Variants in RBFOX1 observed in about 807,000 individuals in gnomAD.
RBFOX1 encodes RNA binding protein fox-1 homolog 1.
Under a neutral mutation model 57.7 loss-of-function variants are expected in RBFOX1, and 8 were observed. The observed-to-expected ratio is 0.14, with a 90% CI of 0.08 to 0.25. The LOEUF (loss-of-function observed/expected upper bound fraction) is 0.25. Ranked by LOEUF, RBFOX1 falls within the 10% of genes least tolerant of loss-of-function variation. RBFOX1 has a pLI of 1.00. For synonymous variants in RBFOX1, 326 were observed against 222.4 expected, an observed-to-expected ratio of 1.47 and a Z score of -4.15; for missense variants, 611 against 548.5, an observed-to-expected ratio of 1.11 and a Z score of -1.14.
Position 7,341,784 on chromosome 16 carries a change from T to TTCCCTCCC in RBFOX1, c.28-176360_28-176359insCTCCCTCC, listed in dbSNP as rs1291646505. On this transcript the variant is annotated intron_variant, in intron 4 of 15. Coordinates refer to ENST00000550418, the MANE Select transcript of RBFOX1 (RefSeq NM_018723.4). ...CCTCCTTCCCTCCCTCCCTCCTTCC[T>TTCCCTCCC]TCCTTCCTTCCTTCCTTCCTTCCTT... 1.7e-3 allele frequency among the ~76,000 whole-genome samples: 117 copies of TTCCCTCCC among 67,614 alleles called. 1 individual carries two copies. Among genetic ancestry groups the TTCCCTCCC allele is most frequent in the Admixed American group, 3.8e-3 (23 of 6,116 alleles). The allele number at this position is 67,614 out of a possible 152,430, so 44.4% of individuals were successfully genotyped here. A position where few individuals can be genotyped will look rare whatever the true frequency, so the allele number is the denominator to read the frequency against.
intron 4 of RBFOX1, among the ~76,000 whole-genome samples, chr16:7,111,639 A>G (rs2064797923): frequency 6.6e-6 from 1 of 152,056 alleles, no homozygotes; most frequent in Non-Finnish European, 1.5e-5. Flanking sequence ...ATTACTAAGT[A>G]TTTGCTAGGA....
intron 2 of RBFOX1, among the ~76,000 whole-genome samples, chr16:5,567,769 C>G (rs570715925): frequency 3.3e-5 from 5 of 151,994 alleles, no homozygotes; most frequent in African/African-American, 1.2e-4. Flanking sequence ...TTGTCGTCAC[C>G]GTCACCTATA....
chr16:7,101,450 T>C (rs1024758935), intron 4 of RBFOX1, among the ~76,000 whole-genome samples: 3 of 152,184 alleles, frequency 2.0e-5, no homozygotes, highest in African/African-American at 7.2e-5. Context: ...GCAGTGAATG[T>C]ATGCGTGAGA....
chr16:5,688,664 C>G (rs757561234), intron 3 of RBFOX1, among the ~76,000 whole-genome samples: 1 of 152,138 alleles, frequency 6.6e-6, no homozygotes, highest in East Asian at 1.9e-4. Context: ...AAATTCATTA[C>G]CTACCCAGAG....
Position 6,360,848 on chromosome 16 carries a change from T to A in RBFOX1, c.-64+43791T>A, listed in dbSNP as rs139212957. Among the ~76,000 whole-genome samples, 499 of 152,350 alleles carry A rather than the reference T, an allele frequency of 3.3e-3. 1 individual carries two copies. The highest frequency in any genetic ancestry group is 0.011 in the African/African-American group (467 of 41,590). On this transcript the variant is annotated intron_variant, in intron 2 of 15. Transcript: ENST00000550418. ...CATTGTGAATGGCGCCCCCTACAGT[T>A]GTTCAGTGTGTAGTCTGAAATTTTG... is the stretch of plus-strand genomic sequence containing the variant.
chr16:5,673,137 C>G (rs143235418), intron 3 of RBFOX1, among the ~76,000 whole-genome samples: 19 of 152,168 alleles, frequency 1.2e-4, no homozygotes, highest in Middle Eastern at 6.8e-3. Context: ...TGCTGACACA[C>G]ACAAGCCTTA....
At chr16:6,074,239 C>T (rs1333815292) in intron 1 of RBFOX1, among the ~76,000 whole-genome samples, 5 of 152,170 alleles carry the variant, frequency 3.3e-5, no homozygotes, top group Non-Finnish European at 5.9e-5. Context: ...TGAGCCACAG[C>T]GCCCGGCCAT....
chr16:6,844,571 A>G (rs916788407), intron 3 of RBFOX1, among the ~76,000 whole-genome samples: 1 of 149,644 alleles, frequency 6.7e-6, no homozygotes, highest in Non-Finnish European at 1.5e-5. Context: ...TTTTTTTTTT[A>G]TCCAGTCTTT....
chr16:6,975,290 G>A (rs959837865), intron 3 of RBFOX1, among the ~76,000 whole-genome samples: 1 of 151,864 alleles, frequency 6.6e-6, no homozygotes, highest in East Asian at 1.9e-4. Flanking sequence ...TTTTGAGACA[G>A]GGTCTCATTC....
chr16:6,062,059 T>A (rs1461010922), intron 1 of RBFOX1, among the ~76,000 whole-genome samples: 1 of 152,070 alleles, frequency 6.6e-6, no homozygotes, highest in Non-Finnish European at 1.5e-5. Flanking sequence ...GTTTACTGGT[T>A]TATTATAAAG....
chr16:7,335,409 GA>G (rs2096767735), intron 4 of RBFOX1, among the ~76,000 whole-genome samples: 1 of 152,164 alleles, frequency 6.6e-6, no homozygotes, highest in South Asian at 2.1e-4. Context: ...TGGAGATGTT[GA>G]AACAGAGTTC....
chr16:6,973,940 C>A (rs1464054698), intron 3 of RBFOX1, among the ~76,000 whole-genome samples: 3 of 152,102 alleles, frequency 2.0e-5, no homozygotes, highest in Non-Finnish European at 4.4e-5. Flanking sequence ...CCTCCATCTC[C>A]CAGCAGACCC....
intron 1 of RBFOX1, among the ~76,000 whole-genome samples, chr16:5,300,956 G>C (rs890860916): frequency 2.0e-5 from 3 of 152,072 alleles, no homozygotes; most frequent in African/African-American, 7.2e-5. Flanking sequence ...CTCTTGTCCT[G>C]ATCATTCTTT....
chr16:7,260,520 T>C (rs1248804391), intron 4 of RBFOX1, among the ~76,000 whole-genome samples: 1 of 152,196 alleles, frequency 6.6e-6, no homozygotes, highest in Non-Finnish European at 1.5e-5. Flanking sequence ...TAACTGCTTC[T>C]AGTCTCCCTG....
At chr16:7,697,395 G>A (rs1019586786) in intron 14 of RBFOX1, among the ~76,000 whole-genome samples, 4 of 152,170 alleles carry the variant, frequency 2.6e-5, no homozygotes, top group African/African-American at 9.7e-5. Context: ...CCTGAGGAAA[G>A]CAAACCCTTT....
At chr16:6,611,240 A>G (rs867640574) in intron 2 of RBFOX1, among the ~76,000 whole-genome samples, 2 of 152,236 alleles carry the variant, frequency 1.3e-5, no homozygotes, top group South Asian at 2.1e-4. Flanking sequence ...TCCGGCTCCC[A>G]GGTTCAAGCA....
At chr16:5,628,908 G>C (rs189150740) in intron 3 of RBFOX1, among the ~76,000 whole-genome samples, 1 of 152,320 alleles carries the variant, frequency 6.6e-6, no homozygotes, top group East Asian at 1.9e-4. Context: ...TCCTAAGTCA[G>C]ATCATGTACC....
At chr16:5,363,712 C>T (rs544171039) in intron 1 of RBFOX1, among the ~76,000 whole-genome samples, 4 of 152,200 alleles carry the variant, frequency 2.6e-5, no homozygotes, top group Admixed American at 1.3e-4. Context: ...GTCTCCTACA[C>T]CCCCAAGTCA....
chr16:7,126,119 T>G (rs1158736471), intron 4 of RBFOX1, among the ~76,000 whole-genome samples: 6 of 152,180 alleles, frequency 3.9e-5, no homozygotes, highest in African/African-American at 1.4e-4. Context: ...AAAGTTTACA[T>G]GAATGAGCTT....
Sources: allele counts gnomAD v4.1 joint callset (sites outside exome capture counted in the v4.1 genomes callset), GRCh38; gene constraint gnomAD v4.1.1; transcripts MANE v1.5; gene names NCBI Gene and HGNC (gene_info 2026-07-23, HGNC 2026-07-21).